The following DMC1 variants were observed in gnomAD, a reference collection of about 807,000 sequenced individuals.
DMC1 encodes the protein DNA meiotic recombinase 1.
In DMC1, 27 loss-of-function variants were observed where a neutral mutation model predicts 50.1. That is an observed-to-expected ratio of 0.54 (90% CI 0.40 to 0.74). The LOEUF (loss-of-function observed/expected upper bound fraction) is 0.74, where lower values mean the gene tolerates loss of function less well. Ranked by LOEUF, DMC1 falls within the 30% of genes least tolerant of loss-of-function variation. The pLI is 0.00. For missense variants in DMC1, 295 were observed against 420.2 expected (o/e 0.70, Z 2.60); for synonymous variants, 148 against 136.1 (o/e 1.09, Z -0.61).
chr22:38,518,578 T>A (rs2145750903), downstream of DMC1, among the ~76,000 whole-genome samples: 1 of 152,166 alleles, frequency 6.6e-6, no homozygotes, highest in East Asian at 1.9e-4. Context: ...TGACCCAGGC[T>A]GGAGTGCAGT....
chr22:38,520,111 G>T (rs766036997), intron 13 of DMC1, 22 bp from the exon 14 acceptor site: 1 of 1,597,250 alleles, frequency 6.3e-7, no homozygotes, highest in Non-Finnish European at 8.6e-7. Context: ...CAAGGGAACA[G>T]AAGTTTATAA....
chr22:38,514,945 C>CT (rs1225224373), downstream of DMC1, among the ~76,000 whole-genome samples: 2,352 of 121,922 alleles, frequency 0.019, 57 homozygotes, highest in African/African-American at 0.063. Context: ...TTTTTTTATT[C>CT]TTTTTTTTTT....
intron 4 of DMC1, among the ~76,000 whole-genome samples, chr22:38,564,465 A>G (rs2146019211): frequency 6.6e-6 from 1 of 152,092 alleles, no homozygotes; most frequent in East Asian, 1.9e-4. Context: ...ACCTGCCACC[A>G]TGCCTGGCTA....
At chr22:38,564,253 T>C (rs569548064) in intron 4 of DMC1, among the ~76,000 whole-genome samples, 1 of 152,348 alleles carries the variant, frequency 6.6e-6, no homozygotes, top group East Asian at 1.9e-4. Context: ...GGAGGATCAC[T>C]TGAACCCAGG....
chr22:38,523,500 C>T (rs926139906), intron 12 of DMC1, among the ~76,000 whole-genome samples: 1 of 152,208 alleles, frequency 6.6e-6, no homozygotes, highest in African/African-American at 2.4e-5. Context: ...ATGTACTTTT[C>T]ATGTTCTGCC....
intron 9 of DMC1, among the ~76,000 whole-genome samples, chr22:38,539,021 G>C (rs2145868510): frequency 6.6e-6 from 1 of 150,986 alleles, no homozygotes; most frequent in Admixed American, 6.6e-5. Flanking sequence ...GAGTGACAGA[G>C]CGAGACTCCA....
chr22:38,548,541 T>C (rs554835146), intron 8 of DMC1, among the ~76,000 whole-genome samples: 2 of 152,058 alleles, frequency 1.3e-5, no homozygotes, highest in Admixed American at 6.6e-5. Flanking sequence ...GCCACTGCAC[T>C]CCAGCCTGGG....
At chr22:38,527,516 C>CT (rs891065117) in intron 12 of DMC1, among the ~76,000 whole-genome samples, 2,049 of 127,258 alleles carry the variant, frequency 0.016, 41 homozygotes, top group Admixed American at 0.037. Flanking sequence ...CCTTTTTCTC[C>CT]TTTTTTTTTT....
chr22:38,552,198 C>T (rs1246114269), intron 7 of DMC1, among the ~76,000 whole-genome samples: 1 of 152,130 alleles, frequency 6.6e-6, no homozygotes, highest in Non-Finnish European at 1.5e-5. Flanking sequence ...AGTTCCTTCT[C>T]CATAGCTCAA....
At chr22:38,552,355 T>C (rs2090422341) in intron 7 of DMC1, among the ~76,000 whole-genome samples, 1 of 152,182 alleles carries the variant, frequency 6.6e-6, no homozygotes. Context: ...GTGTCACTCT[T>C]CTAAAAAAGA....
At position 38,519,858 on chromosome 22, in the gene DMC1, C is replaced by T; in HGVS notation, c.*162G>A. 1 of 620,856 alleles carries T rather than the reference C, an allele frequency of 1.6e-6. No homozygotes were observed. Among genetic ancestry groups the T allele is most frequent in the South Asian group, 1.6e-5 (1 of 61,798 alleles). 38.5% of individuals were successfully genotyped at this position (620,856 alleles called of 1,614,324 possible). ...CATACAATGTATAGTTATCATAAATCAGGGACTTTTAAGATAAATATAAGA... is the reference window on the plus strand; with the variant it reads ...CATACAATGTATAGTTATCATAAATTAGGGACTTTTAAGATAAATATAAGA... On this transcript the variant is annotated 3_prime_UTR_variant, in exon 14 of 14. Coordinates refer to ENST00000216024, the MANE Select transcript of DMC1 (RefSeq NM_007068.4).
At chr22:38,517,352 T>A, downstream of DMC1, among the ~76,000 whole-genome samples, 1 of 152,182 alleles carries the variant, frequency 6.6e-6, no homozygotes, top group Non-Finnish European at 1.5e-5. Flanking sequence ...GTGGATCACC[T>A]GAGGTCAGGA....
At chr22:38,527,340 G>C (rs1274202708) in intron 12 of DMC1, among the ~76,000 whole-genome samples, 2 of 151,892 alleles carry the variant, frequency 1.3e-5, no homozygotes, top group Non-Finnish European at 2.9e-5. Flanking sequence ...GAGTAGCTGG[G>C]ACTACAGGCG....
intron 7 of DMC1, among the ~76,000 whole-genome samples, chr22:38,550,317 C>CTTTTTTTTTTTTTTTTTTTT (rs11458767): frequency 2.2e-5 from 3 of 133,992 alleles, no homozygotes; most frequent in Non-Finnish European, 4.8e-5. Context: ...CTTTTCTTTT[C>CTTTTTTTTTTTTTTTTTTTT]TTTTTTTTTT....
intron 4 of DMC1, among the ~76,000 whole-genome samples, chr22:38,565,260 G>A (rs1456475800): frequency 1.3e-5 from 2 of 152,168 alleles, no homozygotes; most frequent in African/African-American, 4.8e-5. Context: ...AGTAAGGTAG[G>A]AGAGGGGATT....
At chr22:38,561,178 A>ATT (rs75412644) in intron 5 of DMC1, among the ~76,000 whole-genome samples, 13 of 141,742 alleles carry the variant, frequency 9.2e-5, no homozygotes, top group African/African-American at 2.3e-4. Context: ...CAGCTAATTA[A>ATT]TTTTTTTTTT....
chr22:38,517,161 T>C (rs2089981546), downstream of DMC1, among the ~76,000 whole-genome samples: 2 of 152,202 alleles, frequency 1.3e-5, no homozygotes, highest in African/African-American at 4.8e-5. Flanking sequence ...AGGATGGCTG[T>C]AGATTAGTTA....
intron 12 of DMC1, among the ~76,000 whole-genome samples, chr22:38,525,204 G>T (rs1026280464): frequency 2.6e-5 from 4 of 152,094 alleles, no homozygotes; most frequent in African/African-American, 9.7e-5. Context: ...AATATACAGG[G>T]TACTCCATAA....
At chr22:38,538,127 G>A (rs973442515) in intron 11 of DMC1, among the ~76,000 whole-genome samples, 168 bp downstream of exon 11, 1 of 151,770 alleles carries the variant, frequency 6.6e-6, no homozygotes, top group Admixed American at 6.6e-5. Context: ...CTGGGCAACA[G>A]AGCGAGATAC....
Sources: allele counts gnomAD v4.1 joint callset (sites outside exome capture counted in the v4.1 genomes callset), GRCh38; gene constraint gnomAD v4.1.1; transcripts MANE v1.5; gene names NCBI Gene and HGNC (gene_info 2026-07-23, HGNC 2026-07-21).